The following ZNF239 variants were observed in gnomAD, a reference collection of about 807,000 sequenced individuals.
ZNF239 encodes the protein zinc finger protein 239, also known as zinc finger protein (C2H2) homologous to mouse MOK-2.
In ZNF239, 16 loss-of-function variants were observed where a neutral mutation model predicts 27.5. The observed-to-expected ratio is 0.58, with a 90% CI of 0.39 to 0.88. The LOEUF (loss-of-function observed/expected upper bound fraction) is 0.88, where lower values mean the gene tolerates loss of function less well. Among genes scored for constraint, ZNF239 ranks in the 40% least tolerant of loss-of-function variants. The pLI is 0.00. For missense variants in ZNF239, 527 were observed against 551.9 expected, an observed-to-expected ratio of 0.95 and a Z score of 0.45; for synonymous variants, 199 against 192.6, an observed-to-expected ratio of 1.03 and a Z score of -0.27.
intron 2 of ZNF239, chr10:43,568,317 C>T: frequency 1.0e-5 from 10 of 985,464 alleles, no homozygotes; most frequent in Non-Finnish European, 1.2e-5. Flanking sequence ...GTCATCTTCA[C>T]CCCATTCCCA....
At chr10:43,558,656 C>T (rs556217287) in intron 3 of ZNF239, among the ~76,000 whole-genome samples, 48 of 152,242 alleles carry the variant, frequency 3.2e-4, no homozygotes, top group Admixed American at 1.2e-3. Context: ...TCCATGTTGA[C>T]CAGGCTGGCC....
intron 3 of ZNF239, among the ~76,000 whole-genome samples, chr10:43,560,202 G>A (rs561728263): frequency 6.6e-6 from 1 of 152,290 alleles, no homozygotes; most frequent in Admixed American, 6.5e-5. Flanking sequence ...TAAATGATCT[G>A]CCAAAGAAAG....
At chr10:43,563,582 TTA>T (rs761152780) in intron 3 of ZNF239, among the ~76,000 whole-genome samples, 58 of 152,218 alleles carry the variant, frequency 3.8e-4, no homozygotes, top group Non-Finnish European at 7.9e-4. Flanking sequence ...TTTGAGACTT[TTA>T]TGTCTTACTT....
In ZNF239 at chr10:43,556,715, T is replaced by G. The variant is rs761842128; in HGVS notation, c.1365A>C (p.Lys455Asn). Residue 455 changes from lysine to asparagine, a missense_variant, in exon 4 of 4, where the codon AAA becomes AAC. Transcript: ENST00000374446. ...GGGCTAATGTCAGTTAGCGAGGATC[T>G]TTCTTGTGAACCCGCTGGTGGATGT... ...NLHIHQRVHK[K>N]DPR 1.9e-6 allele frequency: 3 copies of G among 1,613,236 alleles called. No individual in the cohort carries two copies. The highest frequency in any genetic ancestry group is 8.5e-7 in the Non-Finnish European group (1 of 1,179,500).
chr10:43,560,312 T>C (rs996879795), intron 3 of ZNF239, among the ~76,000 whole-genome samples: 5 of 152,170 alleles, frequency 3.3e-5, no homozygotes, highest in Non-Finnish European at 7.3e-5. Context: ...AAAGAAGTAA[T>C]TGACAACATA....
chr10:43,556,511 ATC>A lies in ZNF239; in HGVS notation c.*190_*191del, dbSNP rs1836747095. ...TCTACCCATCTGAGAAACAAGAACA[ATC>A]CATTCATTGTACAGCATAACAAAGT... On this transcript the variant is annotated 3_prime_UTR_variant, in exon 4 of 4. Transcript: ENST00000374446. 1.5e-5 allele frequency: 10 copies of A among 680,900 alleles called. No individual in the cohort carries two copies. The Admixed American group carries it at 2.7e-4, about 18-fold the overall frequency. 42.2% of individuals were successfully genotyped at this position (680,900 alleles called of 1,614,324 possible). A position where few individuals can be genotyped will look rare whatever the true frequency, so the allele number is the denominator to read the frequency against.
chr10:43,567,096 G>A (rs938493683), intron 3 of ZNF239, among the ~76,000 whole-genome samples: 4 of 106,336 alleles, frequency 3.8e-5, no homozygotes, highest in East Asian at 4.2e-4. Flanking sequence ...GGGAGACTCC[G>A]TCTCAAAACA....
In ZNF239 at chr10:43,557,154, T is replaced by C; in HGVS notation, c.926A>G (p.His309Arg). The C allele has an allele frequency of 6.2e-7, 1 of 1,613,866 alleles. No homozygotes were observed. The highest frequency in any genetic ancestry group is 2.2e-5 in the East Asian group (1 of 44,856). The change falls in exon 4 of 4, where the codon CAC becomes CGC. Residue 309 changes from histidine (H) to arginine (R), a missense_variant. Coordinates refer to ENST00000374446, the MANE Select transcript of ZNF239 (RefSeq NM_001099282.2). Reference protein sequence around the residue: ...GFSQSSKLHIHQRVHTGEKPY... With the variant: ...GFSQSSKLHIRQRVHTGEKPY... Reference sequence around the variant, plus strand: ...CTTCTCTCCAGTGTGGACTCGCTGGTGGATGTGCAGTTTGGAGCTCTGACT... The same window carrying C: ...CTTCTCTCCAGTGTGGACTCGCTGGCGGATGTGCAGTTTGGAGCTCTGACT...
chr10:43,564,544 A>T (rs535917717), intron 3 of ZNF239, among the ~76,000 whole-genome samples: 49 of 152,196 alleles, frequency 3.2e-4, no homozygotes, highest in African/African-American at 9.1e-4. Context: ...TTTTTTTTAA[A>T]AAATTTTTTT....
intron 2 of ZNF239, among the ~76,000 whole-genome samples, chr10:43,571,993 A>AT (rs1838061265): frequency 6.6e-6 from 1 of 152,218 alleles, no homozygotes; most frequent in South Asian, 2.1e-4. Context: ...CAAGACCCTC[A>AT]GTTTACAGAG....
Position 43,556,758 on chromosome 10 carries a change from C to G in ZNF239, c.1322G>C (p.Ser441Thr), listed in dbSNP as rs750920115. The change falls in exon 4 of 4, where the codon AGC (serine) becomes ACC (threonine). Residue 441 changes from serine to threonine, a missense_variant. Transcript: ENST00000374446. ...GTGGATGTGAAGGTTGGAGCTCTGGCTGAAGCCCTTCCCACACTTGCTGCA... is the reference window on the plus strand; with the variant it reads ...GTGGATGTGAAGGTTGGAGCTCTGGGTGAAGCCCTTCCCACACTTGCTGCA... ...YECSKCGKGF[S>T]QSSNLHIHQR... is the part of the protein sequence containing the mutation. 6.2e-7 allele frequency: 1 copy of G among 1,614,018 alleles called. No individual in the cohort carries two copies. The highest frequency in any genetic ancestry group is 1.3e-5 in the African/African-American group (1 of 74,934).
chr10:43,556,655 A>G lies in ZNF239; in HGVS notation c.*48T>C, dbSNP rs755762360. On this transcript the variant is annotated 3_prime_UTR_variant, in exon 4 of 4. Coordinates refer to ENST00000374446, the MANE Select transcript of ZNF239 (RefSeq NM_001099282.2). ...GTAAGAGTGATACTAAATATTTAAC[A>G]GTTTTTACAGTATGAGCGCTGTGAA... The G allele has an allele frequency of 3.2e-6, 5 of 1,561,494 alleles. No homozygotes were observed. In the Admixed American group the frequency reaches 9.4e-5, roughly 29 times the overall value.
At chr10:43,574,073 G>A (rs963329574) in intron 1 of ZNF239, among the ~76,000 whole-genome samples, 4 of 152,196 alleles carry the variant, frequency 2.6e-5, no homozygotes, top group African/African-American at 7.2e-5. Context: ...CCTGCGGTGC[G>A]GGGGCTCAGA....
chr10:43,573,729 C>G (rs965453619), intron 1 of ZNF239, 52 bp from the exon 2 acceptor site: 3 of 904,836 alleles, frequency 3.3e-6, no homozygotes, highest in African/African-American at 3.6e-5. Flanking sequence ...TCAAGTCCAG[C>G]AAGACTGCGG....
Position 43,558,063 on chromosome 10 carries a change from G to A in ZNF239, c.17C>T (p.Thr6Ile), listed in dbSNP as rs766381477. ...ATTCACAATACAATCCTGACTTCCA[G>A]TAATTGTACTGGCCATGCCTTCCAA... is the stretch of plus-strand genomic sequence containing the variant. MASTI[T>I]GSQDCIVNHR... The change falls in exon 4 of 4, where the codon ACT becomes ATT. Residue 6 changes from threonine to isoleucine, a missense_variant. Coordinates refer to ENST00000374446, the MANE Select transcript of ZNF239 (RefSeq NM_001099282.2). 1.2e-6 allele frequency: 2 copies of A among 1,613,638 alleles called. No individual in the cohort carries two copies. The highest frequency in any genetic ancestry group is 1.7e-6 in the Non-Finnish European group (2 of 1,179,770).
Position 43,557,693 on chromosome 10 carries a change from C to T in ZNF239, c.387G>A (p.Ser129=), listed in dbSNP as rs771829093. ...KLVSDGQELA[S]PLLNGEATCQ... ...AAGTTGCCTCACCATTTAACAATGG[C>T]GAGGCCAGTTCTTGTCCATCAGACA... is the stretch of plus-strand genomic sequence containing the variant. Residue 129 remains serine (S), a synonymous_variant, in exon 4 of 4, where the codon TCG becomes TCA. Coordinates refer to ENST00000374446, the MANE Select transcript of ZNF239 (RefSeq NM_001099282.2). The T allele has an allele frequency of 5.1e-5, 83 of 1,614,120 alleles. No individual in the cohort carries two copies. The highest frequency in any genetic ancestry group is 6.9e-5 in the Non-Finnish European group (81 of 1,180,036).
Position 43,556,585 on chromosome 10 carries a change from C to CATAT in ZNF239, c.*114_*117dup. The CATAT allele has an allele frequency of 7.7e-7, 1 of 1,300,482 alleles. No individual in the cohort carries two copies. Among genetic ancestry groups the CATAT allele is most frequent in the Non-Finnish European group, 1.0e-6 (1 of 965,104 alleles). The allele number at this position is 1,300,482 out of a possible 1,614,324, so 80.6% of individuals were successfully genotyped here. ...AATGAGTGATTTTTCAGTGAGGGAA[C>CATAT]ATATCTAAATAACCCTTACATCTCT... On this transcript the variant is annotated 3_prime_UTR_variant, in exon 4 of 4. Coordinates refer to ENST00000374446, the MANE Select transcript of ZNF239 (RefSeq NM_001099282.2).
chr10:43,563,054 C>T (rs1452698552), intron 3 of ZNF239, among the ~76,000 whole-genome samples: 1 of 152,092 alleles, frequency 6.6e-6, no homozygotes. Flanking sequence ...GTGGCTCATG[C>T]CTGTAATCCC....
At position 43,556,522 on chromosome 10, in the gene ZNF239, G is replaced by T; in HGVS notation, c.*181C>A. The T allele has an allele frequency of 2.7e-6, 2 of 745,916 alleles. No individual in the cohort carries two copies. The highest frequency in any genetic ancestry group is 2.7e-5 in the East Asian group (1 of 36,742). The allele number at this position is 745,916 out of a possible 1,614,324, so 46.2% of individuals were successfully genotyped here. A position where few individuals can be genotyped will look rare whatever the true frequency, so the allele number is the denominator to read the frequency against. On this transcript the variant is annotated 3_prime_UTR_variant, in exon 4 of 4. Transcript: ENST00000374446. ...GAGAAACAAGAACAATCCATTCATT[G>T]TACAGCATAACAAAGTGCTTGATAC...
Sources: allele counts gnomAD v4.1 joint callset (sites outside exome capture counted in the v4.1 genomes callset), GRCh38; gene constraint gnomAD v4.1.1; transcripts MANE v1.5; gene names NCBI Gene and HGNC (gene_info 2026-07-23, HGNC 2026-07-21).